The following OLFML1 variants were observed in gnomAD, a reference collection of about 807,000 sequenced individuals.
OLFML1 encodes the protein olfactomedin-like protein 1.
OLFML1 carries 33 observed loss-of-function variants against 37.3 expected under a neutral mutation model. That is an observed-to-expected ratio of 0.88 (90% confidence interval 0.67 to 1.18). The LOEUF is 1.18. Ranked by LOEUF, OLFML1 falls within the 50% of genes most tolerant of loss-of-function variation. The pLI is 0.00. For synonymous variants in OLFML1, 186 were observed against 181.3 expected, an observed-to-expected ratio of 1.03 and a Z score of -0.21; for missense variants, 545 against 483.7, an observed-to-expected ratio of 1.13 and a Z score of -1.19.
chr11:7,500,517 C>G (rs1438183848), intron 2 of OLFML1, among the ~76,000 whole-genome samples: 1 of 152,172 alleles, frequency 6.6e-6, no homozygotes, highest in East Asian at 1.9e-4. Flanking sequence ...GCTCAGAGGA[C>G]CCCATCCCCA....
chr11:7,499,680 T>C (rs1465336552), intron 2 of OLFML1, among the ~76,000 whole-genome samples: 3 of 152,180 alleles, frequency 2.0e-5, no homozygotes, highest in African/African-American at 7.2e-5. Context: ...AAGGAAGGAA[T>C]AGGAGAAGCA....
intron 1 of OLFML1, 116 bp downstream of exon 1, chr11:7,486,120 G>A: frequency 9.8e-7 from 1 of 1,015,652 alleles, no homozygotes; most frequent in Non-Finnish European, 1.5e-6. Flanking sequence ...ATGACACATT[G>A]CCAAAGTTAC....
In OLFML1 at chr11:7,510,435, A is replaced by G; in HGVS notation, c.*247A>G. 1 of 453,456 alleles carries G rather than the reference A, an allele frequency of 2.2e-6. No homozygotes were observed. The highest frequency in any genetic ancestry group is 3.6e-5 in the East Asian group (1 of 27,500). 28.1% of individuals were successfully genotyped at this position (453,456 alleles called of 1,614,324 possible). ...ACTCCCCCAAACCTCCTGGCTCTCA[A>G]GGATGACCACATTCTGATACAGCCT... On this transcript the variant is annotated 3_prime_UTR_variant, in exon 3 of 3. Transcript: ENST00000329293.
At chr11:7,495,443 A>G (rs987047428) in intron 2 of OLFML1, among the ~76,000 whole-genome samples, 1 of 152,166 alleles carries the variant, frequency 6.6e-6, no homozygotes, top group African/African-American at 2.4e-5. Flanking sequence ...AATAAAAACT[A>G]TGAATATGGT....
At chr11:7,502,665 G>A (rs1298309108) in intron 2 of OLFML1, among the ~76,000 whole-genome samples, 1 of 151,864 alleles carries the variant, frequency 6.6e-6, no homozygotes, top group Non-Finnish European at 1.5e-5. Flanking sequence ...GAGTGCAGTG[G>A]CGCGATCTCG....
intron 2 of OLFML1, among the ~76,000 whole-genome samples, chr11:7,495,665 G>A (rs1848653523): frequency 6.6e-6 from 1 of 152,170 alleles, no homozygotes; most frequent in Non-Finnish European, 1.5e-5. Flanking sequence ...GAACAGAGTA[G>A]AGAATCAATC....
At chr11:7,506,120 A>G (rs7940873) in intron 2 of OLFML1, among the ~76,000 whole-genome samples, 68,748 of 152,086 alleles carry the variant, frequency 0.45, 15,833 homozygotes, top group Middle Eastern at 0.48. Flanking sequence ...GAAGCTGGCT[A>G]TAAAATGATG....
In OLFML1 at chr11:7,510,142, A is replaced by G. The variant is rs770417177; in HGVS notation, c.1163A>G (p.Gln388Arg). 4.3e-6 allele frequency: 7 copies of G among 1,612,968 alleles called. No individual in the cohort carries two copies. The highest frequency in any genetic ancestry group is 5.9e-6 in the Non-Finnish European group (7 of 1,179,950). ...CTCTATGCCTGGAATGAAGGAAACC[A>G]GATCATTTACAAACTCCAGACAAAG... ...KQLYAWNEGNQIIYKLQTKRK... is the reference protein window; with the variant it reads ...KQLYAWNEGNRIIYKLQTKRK... Residue 388 changes from glutamine to arginine, a missense_variant, in exon 3 of 3, where the codon CAG becomes CGG. Coordinates refer to ENST00000329293, the MANE Select transcript of OLFML1 (RefSeq NM_198474.4).
Position 7,509,913 on chromosome 11 carries a change from T to C in OLFML1, c.934T>C (p.Cys312Arg). ...AGTGGAGCATTCATGGGATACCCCA[T>C]GCAGAAGCCAGGATGCTGAAGCCTC... is the stretch of plus-strand genomic sequence containing the variant. Reference protein sequence around the residue: ...LGVEHSWDTPCRSQDAEASFL... With the variant: ...LGVEHSWDTPRRSQDAEASFL... The change falls in exon 3 of 3, where the codon TGC (cysteine) becomes CGC (arginine). Residue 312 changes from cysteine to arginine, a missense_variant. By Grantham distance (180) the Cys-to-Arg change is radical. Transcript: ENST00000329293. The C allele has an allele frequency of 1.2e-6, 2 of 1,614,234 alleles. No homozygotes were observed. Among genetic ancestry groups the C allele is most frequent in the East Asian group, 2.2e-5 (1 of 44,880 alleles).
chr11:7,511,067 T>C lies in OLFML1; in HGVS notation c.*879T>C, dbSNP rs141330850. The C allele has an allele frequency of 7.7e-4, 118 of 152,366 alleles. No individual in the cohort carries two copies. Among genetic ancestry groups the C allele is most frequent in the African/African-American group, 2.6e-3 (110 of 41,580 alleles). The allele number at this position is 152,366 out of a possible 1,614,324, so 9.4% of individuals were successfully genotyped here. Reference sequence around the variant, plus strand: ...AGAAAATACTACAAATCCCATAGTTTTTCCATTGCCCAAGGAAGCATCAAA... The same window carrying C: ...AGAAAATACTACAAATCCCATAGTTCTTCCATTGCCCAAGGAAGCATCAAA... On this transcript the variant is annotated 3_prime_UTR_variant, in exon 3 of 3. Transcript: ENST00000329293.
chr11:7,507,919 C>T (rs1221090666), intron 2 of OLFML1, among the ~76,000 whole-genome samples: 1 of 152,176 alleles, frequency 6.6e-6, no homozygotes, highest in Non-Finnish European at 1.5e-5. Flanking sequence ...TGACTGATAA[C>T]TTAAACATCA....
At chr11:7,505,041 C>T (rs1848769744) in intron 2 of OLFML1, among the ~76,000 whole-genome samples, 1 of 151,672 alleles carries the variant, frequency 6.6e-6, no homozygotes. Flanking sequence ...GACCCTCCTA[C>T]CTCAGCCTCC....
At chr11:7,490,880 T>G (rs1848587460) in intron 2 of OLFML1, among the ~76,000 whole-genome samples, 2 of 152,084 alleles carry the variant, frequency 1.3e-5, no homozygotes, top group Admixed American at 1.3e-4. Context: ...ATGCAGACCT[T>G]CCACAACACA....
chr11:7,506,798 G>T (rs1422702422), intron 2 of OLFML1, among the ~76,000 whole-genome samples: 1 of 152,162 alleles, frequency 6.6e-6, no homozygotes, highest in African/African-American at 2.4e-5. Flanking sequence ...AGTGGTTTAG[G>T]CTGCATAGGA....
intron 1 of OLFML1, among the ~76,000 whole-genome samples, chr11:7,487,753 CAG>C (rs1305434524): frequency 3.3e-5 from 5 of 151,828 alleles, no homozygotes; most frequent in Non-Finnish European, 7.4e-5. Context: ...AAGAGTCTAA[CAG>C]AATAAATAAT....
At chr11:7,499,847 T>C (rs1301927786) in intron 2 of OLFML1, among the ~76,000 whole-genome samples, 1 of 152,222 alleles carries the variant, frequency 6.6e-6, no homozygotes, top group Non-Finnish European at 1.5e-5. Flanking sequence ...TTCTGCTGTA[T>C]TTTATTTTAT....
chr11:7,503,185 T>C (rs1224451734), intron 2 of OLFML1, among the ~76,000 whole-genome samples: 3 of 152,170 alleles, frequency 2.0e-5, no homozygotes, highest in Non-Finnish European at 4.4e-5. Flanking sequence ...ACAAAGTTGG[T>C]AGTCATCATT....
intron 2 of OLFML1, among the ~76,000 whole-genome samples, chr11:7,491,655 G>C (rs916489260): frequency 2.0e-5 from 3 of 152,170 alleles, no homozygotes; most frequent in Non-Finnish European, 1.5e-5. Context: ...TAGTAACTAT[G>C]CCTATATCAG....
chr11:7,497,293 A>AT (rs1848674543), intron 2 of OLFML1, among the ~76,000 whole-genome samples: 9 of 152,258 alleles, frequency 5.9e-5, no homozygotes, highest in Admixed American at 5.9e-4. Context: ...AAAAAAACAG[A>AT]TAAGACAAAG....
Sources: gnomAD v4.1 joint callset for allele counts (sites outside exome capture counted in the v4.1 genomes callset) on GRCh38, gnomAD v4.1.1 for gene constraint, MANE v1.5 for transcripts, NCBI Gene and HGNC (gene_info 2026-07-23, HGNC 2026-07-21) for gene names.